RBMS2: variants seen among roughly 807,000 people sequenced by gnomAD.
RBMS2 encodes the protein RNA binding motif single stranded interacting protein 2.
A neutral mutation model predicts 58.4 loss-of-function variants in RBMS2; 38 were observed. The observed-to-expected ratio is 0.65, with a 90% CI of 0.50 to 0.85. The LOEUF (loss-of-function observed/expected upper bound fraction) is 0.85, where lower values mean the gene tolerates loss of function less well. RBMS2 is among the 40% of genes least tolerant of loss of function. RBMS2 has a pLI of 0.00. For synonymous variants in RBMS2, 151 were observed against 180.7 expected (o/e 0.84, Z 1.32); for missense variants, 367 against 503.7 (o/e 0.73, Z 2.60).
At chr12:56,545,893 G>C (rs1195928305) in intron 1 of RBMS2, among the ~76,000 whole-genome samples, 2 of 150,080 alleles carry the variant, frequency 1.3e-5, no homozygotes, top group African/African-American at 2.4e-5. Context: ...TGTGAAATTT[G>C]TGTACAGGTT....
At position 56,569,156 on chromosome 12, in the gene RBMS2, G is replaced by A. The variant is rs75246963; in HGVS notation, c.292+123G>A. Reference sequence around the variant, plus strand: ...CAGCGAGAAGTCCCTGAAGTTTTTAGGCTTAAAAGATTAGGAGATATTTAG... The same window carrying A: ...CAGCGAGAAGTCCCTGAAGTTTTTAAGCTTAAAAGATTAGGAGATATTTAG... On this transcript the variant is annotated intron_variant, in intron 3 of 13. Transcript: ENST00000262031. The A allele has an allele frequency of 1.0e-3, 876 of 847,544 alleles. 7 individuals are homozygous for A. In the African/African-American group the frequency reaches 0.014, roughly 14 times the overall value. 52.5% of individuals were successfully genotyped at this position (847,544 alleles called of 1,614,324 possible). A position where few individuals can be genotyped will look rare whatever the true frequency, so the allele number is the denominator to read the frequency against.
At chr12:56,536,908 T>C (rs1476570630) in intron 1 of RBMS2, among the ~76,000 whole-genome samples, 1 of 150,904 alleles carries the variant, frequency 6.6e-6, no homozygotes, top group African/African-American at 2.4e-5. Flanking sequence ...TAACATAAAA[T>C]TTACCATCTT....
rs750699512 is a variant in RBMS2, at chr12:56,586,837, T to G, written c.874-12T>G. 5.6e-6 allele frequency: 9 copies of G among 1,609,232 alleles called. No homozygotes were observed. The highest frequency in any genetic ancestry group is 6.8e-6 in the Non-Finnish European group (8 of 1,175,514). ...TCCAGGCAATTAACATTTTTGTTTT[T>G]GCTTGTTTTAGAGAGTGACTCAGAC... On this transcript the variant is annotated splice_polypyrimidine_tract_variant and intron_variant, in intron 9 of 13. Transcript: ENST00000262031.
chr12:56,587,475 T>C, intron 10 of RBMS2, 79 bp from the exon 11 acceptor site: 1 of 1,451,992 alleles, frequency 6.9e-7, no homozygotes, highest in Non-Finnish European at 9.4e-7. Context: ...TCTCCAGTGG[T>C]CCTGACAGCC....
At chr12:56,534,373 C>T (rs942614757) in intron 1 of RBMS2, among the ~76,000 whole-genome samples, 1 of 152,082 alleles carries the variant, frequency 6.6e-6, no homozygotes, top group Non-Finnish European at 1.5e-5. Context: ...TGGGTTTCTA[C>T]CTAAGAGTGG....
At position 56,589,453 on chromosome 12, in the gene RBMS2, G is replaced by C; in HGVS notation, c.*320G>C. On this transcript the variant is annotated 3_prime_UTR_variant, in exon 14 of 14. Coordinates refer to ENST00000262031, the MANE Select transcript of RBMS2 (RefSeq NM_002898.4). Reference sequence around the variant, plus strand: ...CAACGTACTTTTCCCCTACCTTGAAGAGACATGGTGGTCGCAGCTTCTCAT... The same window carrying C: ...CAACGTACTTTTCCCCTACCTTGAACAGACATGGTGGTCGCAGCTTCTCAT... 2.5e-6 allele frequency: 1 copy of C among 403,606 alleles called. No individual in the cohort carries two copies. The highest frequency in any genetic ancestry group is 3.8e-6 in the Non-Finnish European group (1 of 261,234). The allele number at this position is 403,606 out of a possible 1,614,324, so 25.0% of individuals were successfully genotyped here. A position where few individuals can be genotyped will look rare whatever the true frequency, so the allele number is the denominator to read the frequency against.
At chr12:56,589,039 G>A (rs369103765) in intron 13 of RBMS2, 21 bp downstream of exon 13, 5 of 1,613,910 alleles carry the variant, frequency 3.1e-6, no homozygotes, top group Non-Finnish European at 2.5e-6. Context: ...CATGCTGGGG[G>A]GCAGGGAGGG....
chr12:56,539,049 T>C (rs2136291691), intron 1 of RBMS2, among the ~76,000 whole-genome samples: 1 of 150,622 alleles, frequency 6.6e-6, no homozygotes, highest in Middle Eastern at 3.4e-3. Context: ...AGAGTCTTGC[T>C]CTGGTGCCCA....
At chr12:56,529,701 A>G (rs1251657733) in intron 1 of RBMS2, among the ~76,000 whole-genome samples, 1 of 152,272 alleles carries the variant, frequency 6.6e-6, no homozygotes, top group East Asian at 1.9e-4. Flanking sequence ...AGCCAGTCAT[A>G]AGAGACTACA....
intron 5 of RBMS2, among the ~76,000 whole-genome samples, chr12:56,575,559 A>AC (rs910888508): frequency 4.5e-5 from 6 of 132,414 alleles, no homozygotes; most frequent in African/African-American, 8.6e-5. Flanking sequence ...TTACCCCTAC[A>AC]CCCCCCCTCA....
intron 1 of RBMS2, among the ~76,000 whole-genome samples, chr12:56,545,719 A>AGAG (rs1301499378): frequency 5.3e-5 from 8 of 152,214 alleles, no homozygotes; most frequent in Non-Finnish European, 1.0e-4. Flanking sequence ...TCTTTGCATA[A>AGAG]TGTTATTGGG....
chr12:56,559,902 T>C (rs1376488270), intron 1 of RBMS2, among the ~76,000 whole-genome samples: 1 of 149,096 alleles, frequency 6.7e-6, no homozygotes, highest in Admixed American at 6.6e-5. Flanking sequence ...CTTCTTTTTT[T>C]TTTTTTTTTT....
chr12:56,577,038 A>AG (rs1236081334), intron 5 of RBMS2, among the ~76,000 whole-genome samples: 1 of 145,168 alleles, frequency 6.9e-6, no homozygotes, highest in African/African-American at 2.5e-5. Context: ...GAGATTCCAA[A>AG]AAAAAAAAAA....
intron 1 of RBMS2, among the ~76,000 whole-genome samples, chr12:56,553,716 C>T (rs1280751159): frequency 6.6e-6 from 1 of 151,992 alleles, no homozygotes; most frequent in East Asian, 1.9e-4. Context: ...ATCCACCCGC[C>T]TTGGTCTCCC....
intron 2 of RBMS2, among the ~76,000 whole-genome samples, chr12:56,564,501 T>C (rs191836761): frequency 6.6e-6 from 1 of 152,174 alleles, no homozygotes; most frequent in African/African-American, 2.4e-5. Context: ...TAGCTAGGAC[T>C]ACAGGTACAC....
chr12:56,540,599 C>T (rs146512115), intron 1 of RBMS2, among the ~76,000 whole-genome samples: 7 of 152,120 alleles, frequency 4.6e-5, no homozygotes, highest in Admixed American at 2.6e-4. Flanking sequence ...AGACTGATCT[C>T]GAACTCCTGG....
At chr12:56,561,719 C>T (rs546009113) in intron 1 of RBMS2, among the ~76,000 whole-genome samples, 4 of 148,902 alleles carry the variant, frequency 2.7e-5, no homozygotes, top group East Asian at 2.0e-4. Flanking sequence ...GGGTTCACCA[C>T]GTTGGTCAGC....
At chr12:56,545,731 T>C (rs1446459339) in intron 1 of RBMS2, among the ~76,000 whole-genome samples, 2 of 152,198 alleles carry the variant, frequency 1.3e-5, no homozygotes, top group Non-Finnish European at 2.9e-5. Context: ...GTTATTGGGC[T>C]TACTTCACAT....
intron 1 of RBMS2, among the ~76,000 whole-genome samples, chr12:56,533,960 T>C (rs1488178220): frequency 1.3e-5 from 2 of 152,040 alleles, no homozygotes; most frequent in African/African-American, 4.8e-5. Context: ...ATTATTATTA[T>C]TCCCATCTTA....
Sources: allele counts gnomAD v4.1 joint callset (sites outside exome capture counted in the v4.1 genomes callset), GRCh38; gene constraint gnomAD v4.1.1; transcripts MANE v1.5; gene names NCBI Gene and HGNC (gene_info 2026-07-23, HGNC 2026-07-21).